The following PKHD1 variants were observed in gnomAD, a reference collection of about 807,000 sequenced individuals.
PKHD1 encodes fibrocystin.
A neutral mutation model predicts 412.0 loss-of-function variants in PKHD1; 291 were observed. The observed-to-expected ratio is 0.71, with a 90% confidence interval of 0.64 to 0.78. The LOEUF (loss-of-function observed/expected upper bound fraction) is 0.78. Among genes scored for constraint, PKHD1 ranks in the 30% least tolerant of loss-of-function variants. The probability of loss-of-function intolerance (pLI) is 0.00; values close to 1 mark genes in which losing one functional copy is unlikely to be tolerated. For missense variants in PKHD1, 4,825 were observed against 4,950.7 expected (o/e 0.97, Z 0.76); for synonymous variants, 1,777 against 1,821.5 (o/e 0.98, Z 0.62).
intron 55 of PKHD1, among the ~76,000 whole-genome samples, chr6:51,767,043 G>A (rs1049202019): frequency 6.6e-6 from 1 of 151,810 alleles, no homozygotes; most frequent in African/African-American, 2.4e-5. Flanking sequence ...AACATAAAGT[G>A]GGAATCTAAT....
chr6:51,664,139 C>T lies in PKHD1; in HGVS notation c.10157-4170G>A, dbSNP rs957535452. Among the ~76,000 whole-genome samples, 4 of 151,918 alleles carry T rather than the reference C, an allele frequency of 2.6e-5. No homozygotes were observed. The South Asian group carries it at 6.2e-4, about 24-fold the overall frequency. The stretch of plus-strand genomic sequence containing the variant: ...AGTAGGATGTATACCTTCAAAGAGG[C>T]CCATTATTACTTATTTATTTATTTT... On this transcript the variant is annotated intron_variant, in intron 60 of 66. Transcript: ENST00000371117.
chr6:51,747,864 T>TCA lies in PKHD1; in HGVS notation c.9751_9752insTG (p.Glu3251ValfsTer14). The TCA allele has an allele frequency of 6.2e-7, 1 of 1,613,826 alleles. No homozygotes were observed. Among genetic ancestry groups the TCA allele is most frequent in the Non-Finnish European group, 8.5e-7 (1 of 1,179,772 alleles). On this transcript the variant is annotated frameshift_variant, in exon 58 of 67. Transcript: ENST00000371117. LOFTEE classifies it high-confidence loss of function. ...TGGCTCCTGAGGCCACTGATTTGGT[T>TCA]CTGAGGTGAATACAGGCCACAGAAT...
At chr6:51,749,338 A>G (rs1785712032) in intron 57 of PKHD1, among the ~76,000 whole-genome samples, 1 of 152,174 alleles carries the variant, frequency 6.6e-6, no homozygotes, top group African/African-American at 2.4e-5. Context: ...TATATCTTTT[A>G]TGTGAGGAGA....
In PKHD1 at chr6:52,069,497, G is replaced by A. The variant is rs768668841; in HGVS notation, c.738C>T (p.Ile246=). The A allele has an allele frequency of 1.9e-6, 3 of 1,613,418 alleles. No individual in the cohort carries two copies. In the South Asian group the frequency reaches 3.3e-5, roughly 18 times the overall value. Residue 246 remains isoleucine, a synonymous_variant, in exon 11 of 67, where the codon ATC becomes ATT. Coordinates refer to ENST00000371117, the MANE Select transcript of PKHD1 (RefSeq NM_138694.4). ...KSMVHKKAWL[I]SAKQDLFLYQ... ...ATAGGAAAAGATCCTGTTTAGCACT[G>A]ATCAGCCATGCCTTCTTGTGGACCA...
chr6:51,806,482 A>C lies in PKHD1; in HGVS notation c.8303-15109T>G, dbSNP rs560298521. On this transcript the variant is annotated intron_variant, in intron 52 of 66. Coordinates refer to ENST00000371117, the MANE Select transcript of PKHD1 (RefSeq NM_138694.4). ...GGTAGGGAGAGAGCAAGAATAGAGG[A>C]TTCTCTCTGAGTTATTTTAGTTTAA... is the stretch of plus-strand genomic sequence containing the variant. 2.6e-5 allele frequency among the ~76,000 whole-genome samples: 4 copies of C among 152,106 alleles called. No individual in the cohort carries two copies. The South Asian group carries it at 6.2e-4, about 24-fold the overall frequency.
At chr6:51,656,119 A>G (rs1771804528) in intron 61 of PKHD1, among the ~76,000 whole-genome samples, 2 of 152,180 alleles carry the variant, frequency 1.3e-5, no homozygotes, top group African/African-American at 4.8e-5. Flanking sequence ...TAGACTGGAT[A>G]AAGAAATGTG....
intron 55 of PKHD1, 79 bp downstream of exon 55, chr6:51,772,623 T>C (rs1790341449): frequency 2.8e-6 from 2 of 724,014 alleles, no homozygotes; most frequent in South Asian, 3.5e-5. Context: ...AAAATCAGTT[T>C]CATATTGTAA....
rs1356566117 is a variant in PKHD1 at position 51,616,073 on chromosome 6, T to TA, written c.*3007dup. On this transcript the variant is annotated 3_prime_UTR_variant, in exon 67 of 67. Transcript: ENST00000371117. ...TTATAGATGTTCTTTATTTGACAAA[T>TA]AAAAATTGTATATATTTATCATGTA... 6.6e-6 allele frequency: 1 copy of TA among 152,176 alleles called. No homozygotes were observed. Among genetic ancestry groups the TA allele is most frequent in the Non-Finnish European group, 1.5e-5 (1 of 68,034 alleles). The allele number at this position is 152,176 out of a possible 1,614,324, so 9.4% of individuals were successfully genotyped here.
Position 52,025,386 on chromosome 6 carries a change from T to C in PKHD1, c.4424A>G (p.Asn1475Ser). Residue 1475 changes from asparagine (N) to serine (S), a missense_variant, in exon 32 of 67, where the codon AAT becomes AGT. Transcript: ENST00000371117. ...CTCTTCCCTTATGAAAAGAGTGCAA[T>C]TCCCCTGACACTCGCTGGTTAGCCC... ...VNGLTSECQG[N>S]CTLFIREEAS... The C allele has an allele frequency of 6.2e-7, 1 of 1,612,128 alleles. No individual in the cohort carries two copies. Among genetic ancestry groups the C allele is most frequent in the Non-Finnish European group, 8.5e-7 (1 of 1,178,488 alleles).
At chr6:51,921,131 C>T (rs9395745) in intron 37 of PKHD1, among the ~76,000 whole-genome samples, 2 of 151,828 alleles carry the variant, frequency 1.3e-5, no homozygotes, top group Non-Finnish European at 2.9e-5. Flanking sequence ...CTTCAGTTTT[C>T]CTCTGATCTT....
intron 64 of PKHD1, among the ~76,000 whole-genome samples, chr6:51,636,476 G>T (rs1005991162): frequency 4.6e-5 from 7 of 152,038 alleles, no homozygotes; most frequent in African/African-American, 1.4e-4. Context: ...GAGCCTGGGA[G>T]GTTGAGACTG....
intron 35 of PKHD1, chr6:51,975,638 A>C (rs1478138162): frequency 6.6e-6 from 1 of 151,344 alleles, no homozygotes; most frequent in East Asian, 1.9e-4. Context: ...AAAAAAAAAA[A>C]AAACAAAAAG....
intron 23 of PKHD1, among the ~76,000 whole-genome samples, chr6:52,047,303 C>T (rs1173027295): frequency 6.6e-6 from 1 of 152,114 alleles, no homozygotes; most frequent in South Asian, 2.1e-4. Context: ...TAGGGATCTT[C>T]GACTTCTCCT....
intron 53 of PKHD1, among the ~76,000 whole-genome samples, chr6:51,782,463 G>A (rs2151200938): frequency 6.6e-6 from 1 of 152,230 alleles, no homozygotes; most frequent in East Asian, 1.9e-4. Context: ...AACCTCTAAG[G>A]GGCAAAGGTT....
At chr6:51,824,248 A>C (rs1219671265) in intron 52 of PKHD1, among the ~76,000 whole-genome samples, 1 of 152,176 alleles carries the variant, frequency 6.6e-6, no homozygotes, top group Non-Finnish European at 1.5e-5. Flanking sequence ...CAAATAAATT[A>C]CTAGGTAATC....
At chr6:52,065,795 T>G (rs1809608295) in intron 12 of PKHD1, among the ~76,000 whole-genome samples, 181 bp downstream of exon 12, 1 of 152,200 alleles carries the variant, frequency 6.6e-6, no homozygotes, top group Admixed American at 6.5e-5. Flanking sequence ...TCCATTCCTG[T>G]GACCCATGTA....
At chr6:52,054,840 CAGAAG>C (rs1224154792) in intron 19 of PKHD1, among the ~76,000 whole-genome samples, 2 of 152,166 alleles carry the variant, frequency 1.3e-5, no homozygotes, top group African/African-American at 4.8e-5. Flanking sequence ...GGCGCCCCTG[CAGAAG>C]AGATGAGGCT....
intron 36 of PKHD1, among the ~76,000 whole-genome samples, chr6:51,950,220 A>AAAAAAAAATATATATATATATATATATAT: frequency 2.0e-5 from 2 of 98,300 alleles, no homozygotes; most frequent in African/African-American, 3.8e-5. Flanking sequence ...GAAAAAAAAA[A>AAAAAAAAATATATATATATATATATATAT]ATATATATAT....
At chr6:52,005,479 A>T (rs970859841) in intron 35 of PKHD1, among the ~76,000 whole-genome samples, 1 of 152,194 alleles carries the variant, frequency 6.6e-6, no homozygotes, top group Non-Finnish European at 1.5e-5. Context: ...TGCCTTGCGC[A>T]TGCTGGTTCC....
Sources: gnomAD v4.1 joint callset for allele counts (sites outside exome capture counted in the v4.1 genomes callset) on GRCh38, gnomAD v4.1.1 for gene constraint, MANE v1.5 for transcripts, NCBI Gene and HGNC (gene_info 2026-07-23, HGNC 2026-07-21) for gene names.